HELLS: variants seen among roughly 807,000 people sequenced by gnomAD.
The protein encoded by HELLS is helicase, lymphoid specific.
HELLS carries 32 observed loss-of-function variants against 120.0 expected under a neutral mutation model. The ratio of observed to expected loss-of-function variants is 0.27; its 90% CI spans 0.20 to 0.36. The LOEUF (loss-of-function observed/expected upper bound fraction) is 0.36. Ranked by LOEUF, HELLS falls within the 10% of genes least tolerant of loss-of-function variation. HELLS has a pLI of 1.00. For missense variants in HELLS, 650 were observed against 993.4 expected, an observed-to-expected ratio of 0.65 and a Z score of 4.65; for synonymous variants, 341 against 323.4, an observed-to-expected ratio of 1.05 and a Z score of -0.58.
chr10:94,607,729 T>G (rs1846142963), intron 8 of HELLS, among the ~76,000 whole-genome samples: 1 of 152,144 alleles, frequency 6.6e-6, no homozygotes, highest in African/African-American at 2.4e-5. Context: ...GTTTTTTTTT[T>G]GTCTTGTTTT....
chr10:94,548,555 A>G (rs1403812827), intron 2 of HELLS, among the ~76,000 whole-genome samples: 2 of 152,240 alleles, frequency 1.3e-5, no homozygotes, highest in African/African-American at 4.8e-5. Flanking sequence ...AGTATTTTAT[A>G]TATTTGCTGA....
intron 2 of HELLS, among the ~76,000 whole-genome samples, chr10:94,549,909 G>C (rs953782732): frequency 6.6e-6 from 1 of 151,890 alleles, no homozygotes; most frequent in Non-Finnish European, 1.5e-5. Flanking sequence ...TAAAGCTTTA[G>C]TGATTTTTAT....
In HELLS at chr10:94,545,957, G is replaced by C; in HGVS notation, c.31+5G>C. The C allele has an allele frequency of 6.4e-7, 1 of 1,556,214 alleles. No homozygotes were observed. The highest frequency in any genetic ancestry group is 1.2e-5 in the South Asian group (1 of 84,436). On this transcript the variant is annotated splice_donor_5th_base_variant and intron_variant, in intron 1 of 21. Coordinates refer to ENST00000348459, the MANE Select transcript of HELLS (RefSeq NM_018063.5). Reference sequence around the variant, plus strand: ...AACGGCCCGCGGGCAGCGGCGGTGAGTGAGGAAAACCTTTTGGGCGCGGGT... The same window carrying C: ...AACGGCCCGCGGGCAGCGGCGGTGACTGAGGAAAACCTTTTGGGCGCGGGT...
rs370761610 is a variant in HELLS, at chr10:94,558,205, C to G, written c.333+10C>G. 270 of 1,543,554 alleles carry G rather than the reference C, an allele frequency of 1.7e-4. No individual in the cohort carries two copies. The highest frequency in any genetic ancestry group is 2.1e-4 in the Non-Finnish European group (241 of 1,154,040). ...TTTAAAAGTTAAAAAGGTAATATAG[C>G]CAGCCGGAATATTTTTTATGTCATT... On this transcript the variant is annotated intron_variant, in intron 4 of 21. Coordinates refer to ENST00000348459, the MANE Select transcript of HELLS (RefSeq NM_018063.5).
intron 12 of HELLS, among the ~76,000 whole-genome samples, chr10:94,584,611 G>T (rs1338781799): frequency 6.6e-6 from 1 of 152,062 alleles, no homozygotes; most frequent in East Asian, 1.9e-4. Context: ...TCAAGACAAT[G>T]AATATTTATA....
rs567664509 is a variant in HELLS, at chr10:94,549,650, G to A, written c.153+3152G>A. 2.0e-5 allele frequency among the ~76,000 whole-genome samples: 3 copies of A among 152,220 alleles called. No individual in the cohort carries two copies. The South Asian group carries it at 6.2e-4, about 32-fold the overall frequency. On this transcript the variant is annotated intron_variant, in intron 2 of 21. Coordinates refer to ENST00000348459, the MANE Select transcript of HELLS (RefSeq NM_018063.5). ...GGAGAGATAATGGGGTAGATAATGA[G>A]GAATTTCTGCCCTCGGTGTCCATTG...
At chr10:94,572,557 C>A (rs367779257) in intron 7 of HELLS, among the ~76,000 whole-genome samples, 65 of 152,262 alleles carry the variant, frequency 4.3e-4, no homozygotes, top group African/African-American at 1.5e-3. Flanking sequence ...ATGAATGTTA[C>A]AATTTTCTCA....
Position 94,597,087 on chromosome 10 carries a change from T to A in HELLS, c.2398T>A (p.Leu800Met), listed in dbSNP as rs781540868. 12 of 1,597,510 alleles carry A rather than the reference T, an allele frequency of 7.5e-6. No individual in the cohort carries two copies. Among genetic ancestry groups the A allele is most frequent in the Non-Finnish European group, 1.0e-5 (12 of 1,165,974 alleles). The change falls in exon 21 of 22, where the codon TTG becomes ATG. Residue 800 changes from leucine (L) to methionine (M), a missense_variant. This residue lies in a region of HELLS where 90 missense variants were observed against 109.2 expected (regional missense o/e 0.82). Coordinates refer to ENST00000348459, the MANE Select transcript of HELLS (RefSeq NM_018063.5). ...CATTAGTGATAAAGATCTAGAGTTG[T>A]TGTTAGATCGAAGTGATCTTATTGG... ...KVISDKDLELLLDRSDLIDQM... is the reference protein window; with the variant it reads ...KVISDKDLELMLDRSDLIDQM...
chr10:94,568,634 A>G (rs1843961197), intron 6 of HELLS, among the ~76,000 whole-genome samples: 1 of 152,048 alleles, frequency 6.6e-6, no homozygotes, highest in Non-Finnish European at 1.5e-5. Flanking sequence ...ATTACTCATA[A>G]CCTCCATTAC....
At position 94,601,777 on chromosome 10, in the gene HELLS, G is replaced by C. The variant is rs535871994; in HGVS notation, c.*155G>C. ...GTACTTAAATAGATGGTAATTTTCT[G>C]AGCCTTACCAAGAACAAAGAAGTAT... On this transcript the variant is annotated 3_prime_UTR_variant, in exon 22 of 22. Coordinates refer to ENST00000348459, the MANE Select transcript of HELLS (RefSeq NM_018063.5). 1.5e-5 allele frequency: 7 copies of C among 478,346 alleles called. No homozygotes were observed. Among genetic ancestry groups the C allele is most frequent in the African/African-American group, 1.4e-4 (7 of 49,690 alleles). The allele number at this position is 478,346 out of a possible 1,614,324, so 29.6% of individuals were successfully genotyped here. A position where few individuals can be genotyped will look rare whatever the true frequency, so the allele number is the denominator to read the frequency against.
chr10:94,569,210 T>G (rs559496643), intron 6 of HELLS: 1 of 149,592 alleles, frequency 6.7e-6, no homozygotes, highest in South Asian at 2.1e-4. Flanking sequence ...TAAGGTGGAG[T>G]CTCGCACTGT....
rs551225499 is a variant in HELLS, at chr10:94,591,082, C to T, written c.1767+306C>T. On this transcript the variant is annotated intron_variant, in intron 15 of 21. Coordinates refer to ENST00000348459, the MANE Select transcript of HELLS (RefSeq NM_018063.5). ...CTTCCTGGTTTCTCAGGCAATCCTG[C>T]CTCAGCTTCCCAGAGTGCTAGGATT... 3.9e-5 allele frequency among the ~76,000 whole-genome samples: 6 copies of T among 152,288 alleles called. No homozygotes were observed. The South Asian group carries it at 1.2e-3, about 32-fold the overall frequency.
chr10:94,553,987 A>G lies in HELLS; in HGVS notation c.154-139A>G, dbSNP rs116632313. On this transcript the variant is annotated intron_variant, in intron 2 of 21. Transcript: ENST00000348459. ...ACCCAAAAACTATTTTTTTTTTAAC[A>G]GTTATTTGTTCCAGTTTTTGGTTTG... The G allele has an allele frequency of 1.2e-3, 804 of 690,352 alleles. 4 individuals are homozygous for G. In the African/African-American group the frequency reaches 0.013, roughly 11 times the overall value. 42.8% of individuals were successfully genotyped at this position (690,352 alleles called of 1,614,324 possible). A position where few individuals can be genotyped will look rare whatever the true frequency, so the allele number is the denominator to read the frequency against.
chr10:94,556,050 A>G (rs1843245618), intron 3 of HELLS, among the ~76,000 whole-genome samples: 1 of 152,226 alleles, frequency 6.6e-6, no homozygotes, highest in Non-Finnish European at 1.5e-5. Flanking sequence ...CTATTCAGTA[A>G]GAAGCACAGG....
chr10:94,571,405 T>C lies in HELLS; in HGVS notation c.453T>C (p.Ala151=). The change falls in exon 7 of 22, where the codon GCT becomes GCC. Residue 151 remains alanine, a synonymous_variant. Coordinates refer to ENST00000348459, the MANE Select transcript of HELLS (RefSeq NM_018063.5). ...VMSKEEILSV[A]KKNKKENEDE... ...ACTACTAGGAAATTTTGTCTGTGGC[T>C]AAAAAAAATAAAAAGGAGAATGAGG... is the stretch of plus-strand genomic sequence containing the variant. The C allele has an allele frequency of 1.3e-6, 2 of 1,490,866 alleles. No individual in the cohort carries two copies. The highest frequency in any genetic ancestry group is 3.6e-5 in the Admixed American group (2 of 56,154). The allele number at this position is 1,490,866 out of a possible 1,614,324, so 92.4% of individuals were successfully genotyped here.
chr10:94,586,720 A>G (rs1009373474), intron 12 of HELLS, among the ~76,000 whole-genome samples: 2 of 151,770 alleles, frequency 1.3e-5, no homozygotes, highest in Non-Finnish European at 2.9e-5. Context: ...TTTTGAGTCA[A>G]CGTCTCTGTC....
rs572054144 is a variant in HELLS at position 94,601,737 on chromosome 10, T to A, written c.*115T>A. 1.1e-5 allele frequency: 6 copies of A among 570,654 alleles called. No individual in the cohort carries two copies. The Admixed American group carries it at 2.1e-4, about 20-fold the overall frequency. The allele number at this position is 570,654 out of a possible 1,614,324, so 35.3% of individuals were successfully genotyped here. On this transcript the variant is annotated 3_prime_UTR_variant, in exon 22 of 22. Coordinates refer to ENST00000348459, the MANE Select transcript of HELLS (RefSeq NM_018063.5). ...CTTTTTTATTATATCAGTTGACATG[T>A]AACTAGTACCATGCGTACTTAAATA...
intron 18 of HELLS, 60 bp from the exon 19 acceptor site, chr10:94,594,633 CAT>C (rs1221451149): frequency 2.3e-5 from 29 of 1,272,092 alleles, no homozygotes; most frequent in Non-Finnish European, 2.9e-5. Context: ...ACTTTATCCA[CAT>C]GAGTTTATGT....
intron 6 of HELLS, among the ~76,000 whole-genome samples, chr10:94,563,445 T>G (rs1843648659): frequency 6.6e-6 from 1 of 152,068 alleles, no homozygotes; most frequent in African/African-American, 2.4e-5. Context: ...TGGTTTTCTT[T>G]TCTTTCTTTC....
Sources: gnomAD v4.1 joint callset for allele counts (sites outside exome capture counted in the v4.1 genomes callset) on GRCh38, gnomAD v4.1.1 for gene constraint, gnomAD v4.1.1 regional missense constraint, MANE v1.5 for transcripts, NCBI Gene and HGNC (gene_info 2026-07-23, HGNC 2026-07-21) for gene names.